The following DGKB variants were observed in gnomAD, a reference collection of about 807,000 sequenced individuals.
The protein encoded by DGKB is 90 kDa diacylglycerol kinase.
A neutral mutation model predicts 114.3 loss-of-function variants in DGKB; 67 were observed. That is an observed-to-expected ratio of 0.59 (90% CI 0.48 to 0.72). The LOEUF is 0.72. Among genes scored for constraint, DGKB ranks in the 30% least tolerant of loss-of-function variants. The pLI is 0.00. For synonymous variants in DGKB, 398 were observed against 323.1 expected, an observed-to-expected ratio of 1.23 and a Z score of -2.49; for missense variants, 907 against 975.2, an observed-to-expected ratio of 0.93 and a Z score of 0.93.
chr7:14,466,716 G>T (rs1156833710), intron 21 of DGKB, among the ~76,000 whole-genome samples: 1 of 152,090 alleles, frequency 6.6e-6, no homozygotes, highest in Non-Finnish European at 1.5e-5. Flanking sequence ...TACTTAGGAG[G>T]CTGAGGCAAT....
chr7:14,318,982 T>C lies in DGKB; in HGVS notation c.2122+19533A>G, dbSNP rs1807191086. ...ATAAAAAATGATGCGTTCATGTCCT[T>C]TGTAGGGACTTGGATGAAATTGGAA... On this transcript the variant is annotated intron_variant, in intron 23 of 25. Coordinates refer to ENST00000402815, the MANE Select transcript of DGKB (RefSeq NM_001350709.2). Among the ~76,000 whole-genome samples, 3 of 152,080 alleles carry C rather than the reference T, an allele frequency of 2.0e-5. No homozygotes were observed. The South Asian group carries it at 6.2e-4, about 32-fold the overall frequency.
intron 23 of DGKB, among the ~76,000 whole-genome samples, chr7:14,272,817 T>G (rs1040335941): frequency 1.3e-5 from 2 of 152,200 alleles, no homozygotes; most frequent in African/African-American, 4.8e-5. Flanking sequence ...CTACCATCCT[T>G]AAGTGAAAGA....
At chr7:14,343,403 C>G (rs76273031) in intron 22 of DGKB, among the ~76,000 whole-genome samples, 1 of 151,724 alleles carries the variant, frequency 6.6e-6, no homozygotes, top group East Asian at 1.9e-4. Context: ...GTTTTTCTGT[C>G]AGATCTCAAG....
chr7:14,415,016 C>T (rs1406920074), intron 21 of DGKB, among the ~76,000 whole-genome samples: 1 of 132,632 alleles, frequency 7.5e-6, no homozygotes, highest in South Asian at 2.6e-4. Context: ...AAAAAAAAAC[C>T]CTCCTATAGA....
chr7:14,268,243 C>T (rs1797799947), intron 23 of DGKB, among the ~76,000 whole-genome samples: 2 of 151,904 alleles, frequency 1.3e-5, no homozygotes, highest in Non-Finnish European at 1.5e-5. Context: ...CACACACACA[C>T]TGCCTCTCTT....
intron 20 of DGKB, among the ~76,000 whole-genome samples, chr7:14,538,083 C>T (rs1207625605): frequency 3.0e-5 from 1 of 33,170 alleles, no homozygotes; most frequent in Non-Finnish European, 5.3e-5. Context: ...AAATCTCTGT[C>T]TCAAAAAAAA....
At chr7:14,305,301 C>A (rs1439290237) in intron 23 of DGKB, among the ~76,000 whole-genome samples, 1 of 152,140 alleles carries the variant, frequency 6.6e-6, no homozygotes, top group Non-Finnish European at 1.5e-5. Flanking sequence ...TACTTCTCAG[C>A]CTTTGGTAAA....
intron 13 of DGKB, among the ~76,000 whole-genome samples, chr7:14,656,215 T>C (rs1815751471): frequency 6.6e-6 from 1 of 151,538 alleles, no homozygotes; most frequent in African/African-American, 2.4e-5. Flanking sequence ...CCAACCAAAA[T>C]CATGTAAATA....
chr7:14,945,119 A>G (rs754765905), intron 1 of DGKB, among the ~76,000 whole-genome samples: 110 of 151,880 alleles, frequency 7.2e-4, no homozygotes, highest in Non-Finnish European at 1.4e-3. Flanking sequence ...ACGGAAAAAT[A>G]AATTGCGGTA....
chr7:14,260,117 C>A (rs1395638562), intron 23 of DGKB, among the ~76,000 whole-genome samples: 22 of 116,232 alleles, frequency 1.9e-4, no homozygotes, highest in African/African-American at 8.5e-4. Context: ...TGAACACACA[C>A]ACACACACAC....
intron 23 of DGKB, among the ~76,000 whole-genome samples, chr7:14,310,999 G>T (rs1805299300): frequency 6.6e-6 from 1 of 151,954 alleles, no homozygotes; most frequent in Non-Finnish European, 1.5e-5. Flanking sequence ...GTGGTGGTGT[G>T]CGCCTGCAGT....
intron 1 of DGKB, among the ~76,000 whole-genome samples, chr7:14,941,999 A>AAT (rs1454629739): frequency 1.1e-4 from 16 of 152,090 alleles, no homozygotes; most frequent in Non-Finnish European, 1.6e-4. Context: ...TTGCAACCGA[A>AAT]TGAAAGTCTT....
At chr7:14,696,362 G>A (rs1410633385) in intron 8 of DGKB, among the ~76,000 whole-genome samples, 1 of 151,770 alleles carries the variant, frequency 6.6e-6, no homozygotes, top group African/African-American at 2.4e-5. Flanking sequence ...GGGCGCGGTG[G>A]CGGGCGCCTG....
intron 23 of DGKB, among the ~76,000 whole-genome samples, chr7:14,198,513 G>A (rs1437548491): frequency 6.6e-6 from 1 of 151,982 alleles, no homozygotes; most frequent in Non-Finnish European, 1.5e-5. Context: ...GGAGATACCT[G>A]CACACATAAT....
chr7:14,908,148 G>A (rs964554386), upstream of DGKB, among the ~76,000 whole-genome samples: 12 of 152,100 alleles, frequency 7.9e-5, no homozygotes, highest in African/African-American at 2.9e-4. Flanking sequence ...GTTTTATACT[G>A]CATGACCTCA....
At chr7:14,877,482 G>C (rs747493161) in intron 1 of DGKB, among the ~76,000 whole-genome samples, 1 of 152,158 alleles carries the variant, frequency 6.6e-6, no homozygotes, top group East Asian at 1.9e-4. Flanking sequence ...TTGAACCCAG[G>C]AGGCAGAGGT....
intron 6 of DGKB, among the ~76,000 whole-genome samples, chr7:14,716,502 C>G (rs1828208158): frequency 6.6e-6 from 1 of 152,080 alleles, no homozygotes; most frequent in Admixed American, 6.6e-5. Context: ...TTTCATTCTT[C>G]TGGTCTATAT....
intron 9 of DGKB, among the ~76,000 whole-genome samples, chr7:14,688,967 A>T (rs950971412): frequency 2.0e-5 from 3 of 151,698 alleles, no homozygotes; most frequent in African/African-American, 7.3e-5. Flanking sequence ...ACTATAAATA[A>T]TTTTTTTTCA....
At chr7:14,664,838 A>G (rs529150072) in intron 13 of DGKB, among the ~76,000 whole-genome samples, 1 of 152,012 alleles carries the variant, frequency 6.6e-6, no homozygotes, top group Non-Finnish European at 1.5e-5. Context: ...AACTGCTCTT[A>G]TCTGGATTTT....
Sources: allele counts gnomAD v4.1 joint callset (sites outside exome capture counted in the v4.1 genomes callset), GRCh38; gene constraint gnomAD v4.1.1; transcripts MANE v1.5; gene names NCBI Gene and HGNC (gene_info 2026-07-23, HGNC 2026-07-21).